Variants in POMK observed in about 807,000 individuals in gnomAD.
POMK encodes Sugen kinase 196.
A neutral mutation model predicts 23.0 loss-of-function variants in POMK; 19 were observed. That is an observed-to-expected ratio of 0.83 (90% CI 0.58 to 1.21). The LOEUF is 1.21. Ranked by LOEUF, POMK falls within the 50% of genes most tolerant of loss-of-function variation. The probability of loss-of-function intolerance (pLI) is 0.00; values close to 1 mark genes in which losing one functional copy is unlikely to be tolerated. For missense variants in POMK, 410 were observed against 431.3 expected (o/e 0.95, Z 0.44); for synonymous variants, 173 against 171.6 (o/e 1.01, Z -0.06).
chr8:43,095,354 T>A (rs755116522), intron 1 of POMK, among the ~76,000 whole-genome samples: 26 of 152,210 alleles, frequency 1.7e-4, no homozygotes, highest in Admixed American at 8.5e-4. Flanking sequence ...GTATTTTTTT[T>A]ATTTGTTTTG....
At chr8:43,106,933 T>C (rs1023312582) in intron 4 of POMK, among the ~76,000 whole-genome samples, 7 of 152,124 alleles carry the variant, frequency 4.6e-5, no homozygotes, top group African/African-American at 1.7e-4. Context: ...ACAGGGGGCA[T>C]AGTTGGGGTC....
At chr8:43,098,371 G>A (rs1811375219) in intron 2 of POMK, among the ~76,000 whole-genome samples, 1 of 152,188 alleles carries the variant, frequency 6.6e-6, no homozygotes, top group Admixed American at 6.5e-5. Context: ...GAATCTTACA[G>A]CATGTGGCCT....
At chr8:43,100,783 A>G (rs1262461824) in intron 2 of POMK, among the ~76,000 whole-genome samples, 1 of 151,540 alleles carries the variant, frequency 6.6e-6, no homozygotes, top group Admixed American at 6.6e-5. Context: ...TCTGTGAGGT[A>G]GGGGGTGGTG....
chr8:43,100,100 C>T (rs749700083), intron 2 of POMK, among the ~76,000 whole-genome samples: 122 of 152,068 alleles, frequency 8.0e-4, no homozygotes, highest in Non-Finnish European at 1.5e-3. Flanking sequence ...TGACCTGGCC[C>T]GGGGCAGGGA....
intron 4 of POMK, among the ~76,000 whole-genome samples, chr8:43,110,415 T>C (rs1055348773): frequency 6.6e-6 from 1 of 152,346 alleles, no homozygotes; most frequent in Admixed American, 6.5e-5. Flanking sequence ...GTAAGAGTCA[T>C]AGTGGCATTT....
At chr8:43,115,806 C>T (rs1811786781) in intron 4 of POMK, among the ~76,000 whole-genome samples, 1 of 152,192 alleles carries the variant, frequency 6.6e-6, no homozygotes, top group Non-Finnish European at 1.5e-5. Flanking sequence ...AGAGCCCTTG[C>T]AACGACAAGG....
At chr8:43,098,479 A>G (rs1586669417) in intron 2 of POMK, among the ~76,000 whole-genome samples, 1 of 152,196 alleles carries the variant, frequency 6.6e-6, no homozygotes, top group African/African-American at 2.4e-5. Flanking sequence ...ATAATATTCC[A>G]TTTATGGATG....
At chr8:43,112,954 A>G (rs1044590196) in intron 4 of POMK, among the ~76,000 whole-genome samples, 7 of 152,246 alleles carry the variant, frequency 4.6e-5, no homozygotes, top group Non-Finnish European at 7.3e-5. Flanking sequence ...CAGCCACTGC[A>G]AAATCATGCC....
intron 4 of POMK, among the ~76,000 whole-genome samples, chr8:43,117,368 T>C (rs1287578072): frequency 1.3e-5 from 2 of 152,242 alleles, no homozygotes; most frequent in Non-Finnish European, 2.9e-5. Flanking sequence ...ATACATTTAC[T>C]GTTCTTTAAG....
intron 1 of POMK, among the ~76,000 whole-genome samples, chr8:43,094,748 G>T (rs922267603): frequency 2.0e-5 from 3 of 152,092 alleles, no homozygotes; most frequent in African/African-American, 7.2e-5. Context: ...TTGTCCCTTT[G>T]CTTTTCTTTT....
At chr8:43,109,575 C>T (rs780728022) in intron 4 of POMK, among the ~76,000 whole-genome samples, 3 of 151,798 alleles carry the variant, frequency 2.0e-5, no homozygotes, top group Non-Finnish European at 4.4e-5. Context: ...CGCAGTCTCT[C>T]TCTGTTGCCC....
intron 2 of POMK, among the ~76,000 whole-genome samples, chr8:43,099,252 C>G (rs1406356491): frequency 6.6e-6 from 1 of 152,226 alleles, no homozygotes; most frequent in Non-Finnish European, 1.5e-5. Context: ...ATGCCTGACC[C>G]TTTGCACATT....
chr8:43,117,617 T>C (rs1811826155), intron 4 of POMK, among the ~76,000 whole-genome samples: 2 of 151,992 alleles, frequency 1.3e-5, no homozygotes, highest in Admixed American at 1.3e-4. Flanking sequence ...CTATAGAAAA[T>C]TGGATAAAGG....
intron 4 of POMK, among the ~76,000 whole-genome samples, chr8:43,106,343 TA>T (rs1365033329): frequency 2.6e-5 from 4 of 152,184 alleles, no homozygotes; most frequent in Non-Finnish European, 4.4e-5. Context: ...ATCATATTGT[TA>T]TTTTTTTCTG....
At chr8:43,120,057 G>GA (rs140426724) in intron 4 of POMK, among the ~76,000 whole-genome samples, 19,911 of 149,454 alleles carry the variant, frequency 0.13, 1,816 homozygotes, top group African/African-American at 0.26. Flanking sequence ...AGATATGAAG[G>GA]AAAAAAAAAT....
At chr8:43,097,321 C>G (rs1376148044) in intron 1 of POMK, among the ~76,000 whole-genome samples, 3 of 152,158 alleles carry the variant, frequency 2.0e-5, no homozygotes, top group Non-Finnish European at 2.9e-5. Context: ...GTTTGAGAAT[C>G]TCTGATGTCC....
At chr8:43,112,198 T>C (rs908709591) in intron 4 of POMK, among the ~76,000 whole-genome samples, 4 of 152,060 alleles carry the variant, frequency 2.6e-5, no homozygotes, top group Non-Finnish European at 5.9e-5. Flanking sequence ...CTAACTAGAA[T>C]AACCAATGCA....
At chr8:43,098,489 G>A (rs1811377115) in intron 2 of POMK, among the ~76,000 whole-genome samples, 1 of 152,184 alleles carries the variant, frequency 6.6e-6, no homozygotes, top group South Asian at 2.1e-4. Flanking sequence ...ATTTATGGAT[G>A]TACCACATTT....
At chr8:43,120,771 G>A (rs527315786) in intron 4 of POMK, among the ~76,000 whole-genome samples, 2 of 151,324 alleles carry the variant, frequency 1.3e-5, no homozygotes, top group Admixed American at 6.6e-5. Context: ...TCTGCCTCCC[G>A]GGTTCAAGTG....
Sources: gnomAD v4.1 joint callset for allele counts (sites outside exome capture counted in the v4.1 genomes callset) on GRCh38, gnomAD v4.1.1 for gene constraint, MANE v1.5 for transcripts, NCBI Gene and HGNC (gene_info 2026-07-23, HGNC 2026-07-21) for gene names.